The following EIF3L variants were observed in gnomAD, a reference collection of about 807,000 sequenced individuals.
EIF3L encodes eIEF associated protein HSPC021.
EIF3L carries 32 observed loss-of-function variants against 74.6 expected under a neutral mutation model. That is an observed-to-expected ratio of 0.43 (90% CI 0.32 to 0.58). The LOEUF (loss-of-function observed/expected upper bound fraction) is 0.58. EIF3L is among the 20% of genes least tolerant of loss of function. The pLI is 0.06. For synonymous variants in EIF3L, 256 were observed against 254.4 expected (o/e 1.01, Z -0.06); for missense variants, 474 against 707.8 (o/e 0.67, Z 3.75).
rs770330223 is a variant in EIF3L, at chr22:37,874,352, G to A, written c.752-18G>A. On this transcript the variant is annotated intron_variant, in intron 8 of 12. Transcript: ENST00000652021. ...TTACCTGCCTCCTATCAGTATTCAC[G>A]GTGTCTGTCTCTTTCAGGTGACCCT... 3.1e-6 allele frequency: 5 copies of A among 1,611,510 alleles called. No individual in the cohort carries two copies. Among genetic ancestry groups the A allele is most frequent in the African/African-American group, 2.7e-5 (2 of 74,802 alleles).
intron 1 of EIF3L, 155 bp from the exon 2 acceptor site, chr22:37,849,860 C>A: frequency 1.3e-6 from 1 of 763,446 alleles, no homozygotes; most frequent in East Asian, 2.5e-5. Flanking sequence ...TGTTTACTGT[C>A]CCTTTTCTCT....
At chr22:37,871,871 GGAAAAAAA>G (rs1286870420) in intron 8 of EIF3L, among the ~76,000 whole-genome samples, 10 of 111,612 alleles carry the variant, frequency 9.0e-5, no homozygotes, top group Admixed American at 5.6e-4. Context: ...TCTGTCTCGG[GGAAAAAAA>G]AAAAAAAAAA....
At chr22:37,859,393 TTTGAGA>T (rs1219137586) in intron 5 of EIF3L, among the ~76,000 whole-genome samples, 1 of 142,658 alleles carries the variant, frequency 7.0e-6, no homozygotes, top group African/African-American at 2.7e-5. Context: ...TTTTTTTTTT[TTTGAGA>T]GAGAGTGAGT....
At chr22:37,870,024 A>G (rs566867253) in intron 7 of EIF3L, 152 bp from the exon 8 acceptor site, 2 of 545,208 alleles carry the variant, frequency 3.7e-6, no homozygotes, top group Non-Finnish European at 6.3e-6. Flanking sequence ...TTTGAAAAAC[A>G]GTGTACGGAA....
At chr22:37,873,294 G>GT (rs1318031783) in intron 8 of EIF3L, among the ~76,000 whole-genome samples, 26 of 126,414 alleles carry the variant, frequency 2.1e-4, no homozygotes, top group East Asian at 6.5e-4. Context: ...TTGCGTATCA[G>GT]TTTTTTTTGT....
chr22:37,864,925 G>A (rs1926066192), intron 7 of EIF3L, among the ~76,000 whole-genome samples: 3 of 152,142 alleles, frequency 2.0e-5, no homozygotes, highest in Admixed American at 6.5e-5. Context: ...TCTCTAAAAC[G>A]GATTGCTGCG....
chr22:37,887,193 G>T, intron 12 of EIF3L: 1 of 190,110 alleles, frequency 5.3e-6, no homozygotes, highest in South Asian at 7.5e-5. Context: ...GCTTCCCAAA[G>T]TGTTGGGATT....
At chr22:37,867,327 G>A (rs1926201984) in intron 7 of EIF3L, among the ~76,000 whole-genome samples, 1 of 152,042 alleles carries the variant, frequency 6.6e-6, no homozygotes, top group South Asian at 2.1e-4. Context: ...TTCTGTACTG[G>A]ATATTATCAG....
rs1441437968 is a variant in EIF3L, at chr22:37,878,901, TTAAGC to T, written c.1575+740_1575+744del. On this transcript the variant is annotated intron_variant, in intron 11 of 12. Transcript: ENST00000652021. ...ACAGGCTTTGTTGAGAAAGTGAAGT[TTAAGC>T]TAAGCTAAGACTTGAAGGAGGTGAG... 6 of 152,040 alleles carry T rather than the reference TTAAGC, an allele frequency of 3.9e-5. No homozygotes were observed. In the East Asian group the frequency reaches 5.8e-4, roughly 15 times the overall value. The allele number at this position is 152,040 out of a possible 1,614,324, so 9.4% of individuals were successfully genotyped here. A position where few individuals can be genotyped will look rare whatever the true frequency, so the allele number is the denominator to read the frequency against.
Position 37,850,002 on chromosome 22 carries a change from TCTTTC to T in EIF3L, c.34-9_34-5del, listed in dbSNP as rs754338695. 1 of 1,613,780 alleles carries T rather than the reference TCTTTC, an allele frequency of 6.2e-7. No individual in the cohort carries two copies. On this transcript the variant is annotated splice_region_variant and splice_polypyrimidine_tract_variant and intron_variant, in intron 1 of 12. Coordinates refer to ENST00000652021, the MANE Select transcript of EIF3L (RefSeq NM_016091.4). ...CTTGGCGGCTGTCCTTGACTGTGTC[TCTTTC>T]CTTCTAGGCGGCTTATGACCCCTAC...
chr22:37,879,771 C>CTTA (rs920039592), intron 11 of EIF3L: 2 of 151,802 alleles, frequency 1.3e-5, no homozygotes, highest in African/African-American at 4.8e-5. Context: ...CCTCACATAA[C>CTTA]CCTCATTGGC....
At chr22:37,850,124 A>T (rs1925107367) in intron 2 of EIF3L, 61 bp downstream of exon 2, 1 of 1,593,694 alleles carries the variant, frequency 6.3e-7, no homozygotes, top group Non-Finnish European at 8.6e-7. Context: ...GGAATGTCTT[A>T]GAACCAGCTC....
intron 8 of EIF3L, among the ~76,000 whole-genome samples, chr22:37,870,645 A>G (rs887946149): frequency 5.9e-5 from 9 of 152,248 alleles, no homozygotes; most frequent in African/African-American, 2.2e-4. Flanking sequence ...TGTTGGTGTC[A>G]GAGCCACTTT....
In EIF3L at chr22:37,870,026, T is replaced by C. The variant is rs115754446; in HGVS notation, c.580-150T>C. On this transcript the variant is annotated intron_variant, in intron 7 of 12. Coordinates refer to ENST00000652021, the MANE Select transcript of EIF3L (RefSeq NM_016091.4). ...TAGTCAAGATGGCTTTGAAAAACAG[T>C]GTACGGAATGGTTTAGAATGAGAAG... 9.1e-4 allele frequency: 501 copies of C among 553,312 alleles called. 1 individual carries two copies. The highest frequency in any genetic ancestry group is 8.8e-3 in the African/African-American group (463 of 52,830). The allele number at this position is 553,312 out of a possible 1,614,324, so 34.3% of individuals were successfully genotyped here.
At chr22:37,861,349 C>T (rs1046105598) in intron 5 of EIF3L, among the ~76,000 whole-genome samples, 1 of 152,098 alleles carries the variant, frequency 6.6e-6, no homozygotes, top group Non-Finnish European at 1.5e-5. Flanking sequence ...CCATGTTTTT[C>T]CGGCATCCCA....
chr22:37,862,630 C>T (rs9622709), intron 5 of EIF3L, among the ~76,000 whole-genome samples: 130 of 152,348 alleles, frequency 8.5e-4, no homozygotes, highest in Middle Eastern at 3.4e-3. Context: ...CTTCTCTTAA[C>T]TCCCTAGCCT....
At chr22:37,873,520 C>G (rs934169568) in intron 8 of EIF3L, among the ~76,000 whole-genome samples, 12 of 151,986 alleles carry the variant, frequency 7.9e-5, no homozygotes, top group Non-Finnish European at 1.6e-4. Flanking sequence ...GTCTCGATCT[C>G]CTGACCTCGT....
rs1250170175 is a variant in EIF3L, at chr22:37,877,910, G to A, written c.1314G>A (p.Glu438=). 2 of 1,612,820 alleles carry A rather than the reference G, an allele frequency of 1.2e-6. No individual in the cohort carries two copies. Among genetic ancestry groups the A allele is most frequent in the East Asian group, 2.2e-5 (1 of 44,880 alleles). The change falls in exon 11 of 13, where the codon GAG becomes GAA. Residue 438 remains glutamate, a synonymous_variant. Transcript: ENST00000652021. ...YDNVHPNYHK[E]PFLQQLKVFS... ...ATGTGCACCCCAACTACCACAAAGAGCCCTTCCTGCAGCAGCTGAAGGTGT... is the reference window on the plus strand; with the variant it reads ...ATGTGCACCCCAACTACCACAAAGAACCCTTCCTGCAGCAGCTGAAGGTGT...
rs1601780099 is a variant in EIF3L at position 37,878,991 on chromosome 22, T to A, written c.1575+820T>A. 4.7e-5 allele frequency: 7 copies of A among 148,324 alleles called. No homozygotes were observed. The South Asian group carries it at 1.6e-3, about 33-fold the overall frequency. The allele number at this position is 148,324 out of a possible 1,614,324, so 9.2% of individuals were successfully genotyped here. On this transcript the variant is annotated intron_variant, in intron 11 of 12. Coordinates refer to ENST00000652021, the MANE Select transcript of EIF3L (RefSeq NM_016091.4). ...GACAGTCTTGGTCTGTCGCCCAGGC[T>A]AGAGTGCAGTGGTGCAATCTCGGCT...
Sources: allele counts gnomAD v4.1 joint callset (sites outside exome capture counted in the v4.1 genomes callset), GRCh38; gene constraint gnomAD v4.1.1; transcripts MANE v1.5; gene names NCBI Gene and HGNC (gene_info 2026-07-23, HGNC 2026-07-21).